CACNA2D1: variants seen among roughly 807,000 people sequenced by gnomAD.
CACNA2D1 encodes calcium voltage-gated channel auxiliary subunit alpha2delta 1.
In CACNA2D1, 53 loss-of-function variants were observed where a neutral mutation model predicts 171.5. The ratio of observed to expected loss-of-function variants is 0.31; its 90% CI spans 0.25 to 0.39. The LOEUF (loss-of-function observed/expected upper bound fraction) is 0.39, where lower values mean the gene tolerates loss of function less well. CACNA2D1 is among the 10% of genes least tolerant of loss of function. The pLI is 1.00. For missense variants in CACNA2D1, 903 were observed against 1,299.8 expected, an observed-to-expected ratio of 0.69 and a Z score of 4.69; for synonymous variants, 442 against 443.1, an observed-to-expected ratio of 1.00 and a Z score of 0.03.
At chr7:82,138,930 A>G (rs1278233000) in intron 4 of CACNA2D1, among the ~76,000 whole-genome samples, 2 of 152,138 alleles carry the variant, frequency 1.3e-5, no homozygotes, top group Non-Finnish European at 2.9e-5. Context: ...AAAGCACTGA[A>G]TAAGTTCATC....
At chr7:82,108,547 A>T (rs1432421131) in intron 6 of CACNA2D1, among the ~76,000 whole-genome samples, 1 of 152,214 alleles carries the variant, frequency 6.6e-6, no homozygotes, top group African/African-American at 2.4e-5. Context: ...AGTCTAAAGC[A>T]ATTTACAATA....
chr7:82,086,929 ATCCTGGC>A (rs1215238822), intron 6 of CACNA2D1, among the ~76,000 whole-genome samples: 1 of 152,250 alleles, frequency 6.6e-6, no homozygotes, highest in Admixed American at 6.5e-5. Flanking sequence ...TATTCCTATT[ATCCTGGC>A]AATATGTTTT....
intron 38 of CACNA2D1, among the ~76,000 whole-genome samples, chr7:81,955,980 AT>A (rs1164601123): frequency 5.6e-3 from 194 of 34,508 alleles, no homozygotes; most frequent in East Asian, 0.019. Flanking sequence ...ATATATATAT[AT>A]TTTTTTTTTT....
At chr7:82,313,281 T>C (rs1814701241) in intron 3 of CACNA2D1, among the ~76,000 whole-genome samples, 1 of 152,174 alleles carries the variant, frequency 6.6e-6, no homozygotes, top group African/African-American at 2.4e-5. Context: ...CCAAAAAGAT[T>C]TCACCCTCAA....
Position 81,982,683 on chromosome 7 carries a change from T to A in CACNA2D1, c.1895-56A>T, listed in dbSNP as rs538208051. The A allele has an allele frequency of 2.1e-5, 22 of 1,047,766 alleles. No individual in the cohort carries two copies. In the South Asian group the frequency reaches 2.6e-4, roughly 13 times the overall value. 64.9% of individuals were successfully genotyped at this position (1,047,766 alleles called of 1,614,324 possible). A position where few individuals can be genotyped will look rare whatever the true frequency, so the allele number is the denominator to read the frequency against. On this transcript the variant is annotated intron_variant, in intron 23 of 38. Transcript: ENST00000356860. ...GTAATTCAGAGTATATATCCAGAGATTCTATAACAATAAGAAGGCATGAGA... is the reference window on the plus strand; with the variant it reads ...GTAATTCAGAGTATATATCCAGAGAATCTATAACAATAAGAAGGCATGAGA...
At chr7:82,158,711 T>C (rs1384455470) in intron 4 of CACNA2D1, among the ~76,000 whole-genome samples, 2 of 151,870 alleles carry the variant, frequency 1.3e-5, no homozygotes. Flanking sequence ...AAACTGTGGC[T>C]TAGAGGTTAA....
At chr7:82,285,297 TC>T (rs201755043) in intron 3 of CACNA2D1, among the ~76,000 whole-genome samples, 2,876 of 151,968 alleles carry the variant, frequency 0.019, 47 homozygotes, top group Non-Finnish European at 0.027. Flanking sequence ...CCTCTCATGG[TC>T]ATATCTTTCC....
intron 10 of CACNA2D1, among the ~76,000 whole-genome samples, chr7:82,058,657 G>A (rs1278971597): frequency 6.6e-6 from 1 of 152,080 alleles, no homozygotes; most frequent in African/African-American, 2.4e-5. Flanking sequence ...AATAAATAAT[G>A]TTGAGAATAT....
At chr7:82,313,020 C>T (rs868076679) in intron 3 of CACNA2D1, among the ~76,000 whole-genome samples, 61 of 152,102 alleles carry the variant, frequency 4.0e-4, no homozygotes, top group African/African-American at 1.2e-3. Context: ...ATGTACAGTC[C>T]TGGTTTGAGA....
chr7:82,249,291 G>C (rs1805350050), intron 3 of CACNA2D1, among the ~76,000 whole-genome samples: 1 of 152,110 alleles, frequency 6.6e-6, no homozygotes. Flanking sequence ...ATGTTGGCTA[G>C]GCATTCAAGG....
At chr7:82,229,206 T>C (rs972768153) in intron 3 of CACNA2D1, among the ~76,000 whole-genome samples, 2 of 152,134 alleles carry the variant, frequency 1.3e-5, no homozygotes, top group African/African-American at 4.8e-5. Context: ...TAACTCCTTT[T>C]GGAGAACTGA....
At chr7:82,217,845 C>T (rs1585128023) in intron 3 of CACNA2D1, among the ~76,000 whole-genome samples, 1 of 151,136 alleles carries the variant, frequency 6.6e-6, no homozygotes, top group Non-Finnish European at 1.5e-5. Context: ...AGTGACCTAC[C>T]TACATGTACT....
intron 10 of CACNA2D1, chr7:82,051,219 C>G (rs796666848): frequency 1.4e-4 from 21 of 152,312 alleles, no homozygotes; most frequent in African/African-American, 5.1e-4. Context: ...GGTCTGGACC[C>G]AGGAAATCTG....
chr7:81,955,212 T>G (rs529714887), intron 38 of CACNA2D1, among the ~76,000 whole-genome samples: 39 of 152,216 alleles, frequency 2.6e-4, no homozygotes, highest in African/African-American at 8.9e-4. Context: ...CCTTCCGGAC[T>G]CTACCGGGTA....
chr7:82,286,261 G>C (rs1183398134), intron 3 of CACNA2D1, among the ~76,000 whole-genome samples: 3 of 152,108 alleles, frequency 2.0e-5, no homozygotes, highest in Non-Finnish European at 4.4e-5. Flanking sequence ...CCTTTCTCTG[G>C]GAAGTCTGTT....
intron 1 of CACNA2D1, among the ~76,000 whole-genome samples, chr7:82,411,097 C>G (rs979723835): frequency 6.6e-6 from 1 of 152,094 alleles, no homozygotes; most frequent in Non-Finnish European, 1.5e-5. Flanking sequence ...GAGTGTCTTC[C>G]AGGTAACAAT....
intron 3 of CACNA2D1, among the ~76,000 whole-genome samples, chr7:82,270,290 A>G (rs1808448365): frequency 6.6e-6 from 1 of 152,164 alleles, no homozygotes; most frequent in Non-Finnish European, 1.5e-5. Flanking sequence ...ATTACTATAA[A>G]TTAGTTTTGG....
At chr7:82,429,996 T>C (rs931256308) in intron 1 of CACNA2D1, among the ~76,000 whole-genome samples, 1 of 152,178 alleles carries the variant, frequency 6.6e-6, no homozygotes, top group Non-Finnish European at 1.5e-5. Flanking sequence ...TTTTTGCAGA[T>C]GTAAATTTAA....
At chr7:82,393,139 AAGGGAGGGAGGCAGGC>A (rs1207177951) in intron 1 of CACNA2D1, among the ~76,000 whole-genome samples, 1 of 125,200 alleles carries the variant, frequency 8.0e-6, no homozygotes, top group Non-Finnish European at 1.7e-5. Flanking sequence ...GGCAGGCAGG[AAGGGAGGGAGGCAGGC>A]AGGGAGGGAG....
Sources: allele counts gnomAD v4.1 joint callset (sites outside exome capture counted in the v4.1 genomes callset), GRCh38; gene constraint gnomAD v4.1.1; transcripts MANE v1.5; gene names NCBI Gene and HGNC (gene_info 2026-07-23, HGNC 2026-07-21).